TOMM70: variants seen among roughly 807,000 people sequenced by gnomAD.
TOMM70 encodes the protein mitochondrial import receptor subunit TOM70.
TOMM70 carries 13 observed loss-of-function variants against 73.6 expected under a neutral mutation model. That is an observed-to-expected ratio of 0.18 (90% CI 0.11 to 0.28). The LOEUF (loss-of-function observed/expected upper bound fraction) is 0.28, where lower values mean the gene tolerates loss of function less well. Ranked by LOEUF, TOMM70 falls within the 10% of genes least tolerant of loss-of-function variation. TOMM70 has a pLI of 1.00. For missense variants in TOMM70, 609 were observed against 747.5 expected, an observed-to-expected ratio of 0.81 and a Z score of 2.16; for synonymous variants, 257 against 271.2, an observed-to-expected ratio of 0.95 and a Z score of 0.51.
At chr3:100,392,800 T>C (rs749012848) in intron 1 of TOMM70, among the ~76,000 whole-genome samples, 2 of 152,172 alleles carry the variant, frequency 1.3e-5, no homozygotes, top group Non-Finnish European at 2.9e-5. Context: ...TACTACTGGG[T>C]ATCTACCCAA....
chr3:100,399,777 C>G (rs9839236), intron 1 of TOMM70, among the ~76,000 whole-genome samples: 1 of 146,710 alleles, frequency 6.8e-6, no homozygotes, highest in Non-Finnish European at 1.5e-5. Context: ...AGGCCTGGAC[C>G]TGGGGCAGGG....
At chr3:100,383,456 G>C (rs1706658211) in intron 4 of TOMM70, among the ~76,000 whole-genome samples, 1 of 151,646 alleles carries the variant, frequency 6.6e-6, no homozygotes, top group Non-Finnish European at 1.5e-5. Context: ...CTGGGAGGCA[G>C]AGGTTGCAGT....
chr3:100,365,842 A>G, intron 11 of TOMM70, 125 bp from the exon 12 acceptor site: 1 of 1,067,196 alleles, frequency 9.4e-7, no homozygotes, highest in Non-Finnish European at 1.3e-6. Flanking sequence ...TGAAGGTTGT[A>G]AGTGATGCTA....
chr3:100,386,317 A>T lies in TOMM70; in HGVS notation c.526T>A (p.Cys176Ser), dbSNP rs1365056961. The change falls in exon 3 of 12, where the codon TGT becomes AGT. Residue 176 changes from cysteine (C) to serine (S), a missense_variant. Around this residue, in one of 2 missense-constraint regions of TOMM70, gnomAD observed 432 missense variants for 584.1 expected, o/e 0.74. Coordinates refer to ENST00000284320, the MANE Select transcript of TOMM70 (RefSeq NM_014820.5). ...GGATTAAGTTCAACAGCTTTTGTACAGTCTTGTGCCACTTCTTTCCATTTT... is the reference window on the plus strand; with the variant it reads ...GGATTAAGTTCAACAGCTTTTGTACTGTCTTGTGCCACTTCTTTCCATTTT... ...LQKWKEVAQD[C>S]TKAVELNPKY... The T allele has an allele frequency of 2.5e-6, 4 of 1,606,336 alleles. No individual in the cohort carries two copies. The highest frequency in any genetic ancestry group is 2.2e-5 in the East Asian group (1 of 44,738).
rs766516311 is a variant in TOMM70, at chr3:100,375,086, T to C, written c.1159A>G (p.Thr387Ala). 9.3e-6 allele frequency: 15 copies of C among 1,610,280 alleles called. No homozygotes were observed. The highest frequency in any genetic ancestry group is 2.2e-5 in the East Asian group (1 of 44,598). ...TCAGCAGCCATGTTAAAATCTTGAG[T>C]GGACAGCAAAGGCTGCTGCTGTTGC... ...YMQQQQPLLS[T>A]QDFNMAADID... Residue 387 changes from threonine (T) to alanine (A), a missense_variant, in exon 7 of 12, where the codon ACT becomes GCT. Physicochemically the swap from Thr to Ala is moderately conservative, Grantham distance 58. Around this residue, in one of 2 missense-constraint regions of TOMM70, gnomAD observed 432 missense variants for 584.1 expected, o/e 0.74. Coordinates refer to ENST00000284320, the MANE Select transcript of TOMM70 (RefSeq NM_014820.5).
At chr3:100,377,010 G>A (rs1196458663) in intron 6 of TOMM70, among the ~76,000 whole-genome samples, 2 of 149,532 alleles carry the variant, frequency 1.3e-5, no homozygotes, top group East Asian at 2.1e-4. Context: ...ACAATATTTA[G>A]GTCTTAAAAC....
intron 11 of TOMM70, among the ~76,000 whole-genome samples, chr3:100,367,026 C>G (rs1706453791): frequency 6.6e-6 from 1 of 152,180 alleles, no homozygotes; most frequent in Non-Finnish European, 1.5e-5. Flanking sequence ...TTGAGACCAT[C>G]CTGGCCAACA....
Position 100,387,808 on chromosome 3 carries a change from T to A in TOMM70, c.325-830A>T, listed in dbSNP as rs1184649533. On this transcript the variant is annotated intron_variant, in intron 1 of 11. Coordinates refer to ENST00000284320, the MANE Select transcript of TOMM70 (RefSeq NM_014820.5). The stretch of plus-strand genomic sequence containing the variant: ...GCACTACCACATCTGGCTAATTTTT[T>A]AATTTTTAGTAGAGATGGGGTTTTG... Among the ~76,000 whole-genome samples, 7 of 151,924 alleles carry A rather than the reference T, an allele frequency of 4.6e-5. No individual in the cohort carries two copies. The East Asian group carries it at 5.8e-4, about 13-fold the overall frequency.
At chr3:100,369,498 A>ATTT (rs11327711) in intron 9 of TOMM70, among the ~76,000 whole-genome samples, 1 of 137,718 alleles carries the variant, frequency 7.3e-6, no homozygotes. Context: ...GCCCAAGGGA[A>ATTT]TTTTTTTTTT....
intron 4 of TOMM70, 114 bp from the exon 5 acceptor site, chr3:100,381,877 T>C: frequency 4.7e-6 from 5 of 1,073,382 alleles, no homozygotes; most frequent in Non-Finnish European, 6.4e-6. Flanking sequence ...CATTTTCAAA[T>C]AACTAAAATT....
At chr3:100,376,229 T>G (rs1200762007) in intron 6 of TOMM70, among the ~76,000 whole-genome samples, 1 of 152,178 alleles carries the variant, frequency 6.6e-6, no homozygotes, top group African/African-American at 2.4e-5. Flanking sequence ...CATTTTTAAC[T>G]TAGGTTGTCT....
rs1706690979 is a variant in TOMM70, at chr3:100,386,265, C to T, written c.578G>A (p.Arg193His). The change falls in exon 3 of 12, where the codon CGT becomes CAT. Residue 193 changes from arginine to histidine, a missense_variant. This residue lies in a region of TOMM70 where 432 missense variants were observed against 584.1 expected (regional missense o/e 0.74). Coordinates refer to ENST00000284320, the MANE Select transcript of TOMM70 (RefSeq NM_014820.5). ...GTCTAGCTTCTCATGGGCTTTTGCA[C>T]GTCTAAAGAGAGCTTTCACATATTT... ...NPKYVKALFR[R>H]AKAHEKLDNK... is the part of the protein sequence containing the mutation. 3.1e-6 allele frequency: 5 copies of T among 1,613,208 alleles called. No individual in the cohort carries two copies. Among genetic ancestry groups the T allele is most frequent in the South Asian group, 1.1e-5 (1 of 90,980 alleles).
At chr3:100,387,879 CACTCAG>C (rs776991844) in intron 1 of TOMM70, among the ~76,000 whole-genome samples, 40 of 152,092 alleles carry the variant, frequency 2.6e-4, no homozygotes, top group Non-Finnish European at 5.1e-4. Flanking sequence ...ATTTCAAAAA[CACTCAG>C]ACTTTTTCAA....
intron 1 of TOMM70, among the ~76,000 whole-genome samples, chr3:100,393,122 G>T (rs1263181263): frequency 2.0e-5 from 3 of 151,048 alleles, no homozygotes; most frequent in Non-Finnish European, 4.4e-5. Flanking sequence ...GCTGCAGTAA[G>T]CCGAGATTGT....
At position 100,377,744 on chromosome 3, in the gene TOMM70, A is replaced by C. The variant is rs1375961887; in HGVS notation, c.1053T>G (p.Asp351Glu). The change falls in exon 6 of 12, where the codon GAT (aspartate) becomes GAG (glutamate). Residue 351 changes from aspartate (D) to glutamate (E), a missense_variant. By Grantham distance (45) the Asp-to-Glu change is conservative. Coordinates refer to ENST00000284320, the MANE Select transcript of TOMM70 (RefSeq NM_014820.5). ...LIGNANAAKP[D>E]LDKVISLKEA... ...CTTTCAAACTGATGACTTTATCTAA[A>C]TCTGGTTTGGCTGCATTGGCATTGC... 4.3e-6 allele frequency: 7 copies of C among 1,614,078 alleles called. No individual in the cohort carries two copies. Among genetic ancestry groups the C allele is most frequent in the Non-Finnish European group, 5.1e-6 (6 of 1,179,976 alleles).
intron 11 of TOMM70, among the ~76,000 whole-genome samples, chr3:100,366,585 CTT>C (rs1256260565): frequency 6.6e-6 from 1 of 151,952 alleles, no homozygotes; most frequent in Non-Finnish European, 1.5e-5. Flanking sequence ...TTAAAAAAAA[CTT>C]TTTTCAAGAG....
intron 8 of TOMM70, among the ~76,000 whole-genome samples, chr3:100,373,331 T>G (rs1706531157): frequency 6.6e-6 from 1 of 152,070 alleles, no homozygotes; most frequent in Non-Finnish European, 1.5e-5. Flanking sequence ...AAGTATAAAA[T>G]CAGGGACAAA....
At chr3:100,374,073 C>T (rs1178313807) in intron 7 of TOMM70, among the ~76,000 whole-genome samples, 3 of 152,186 alleles carry the variant, frequency 2.0e-5, no homozygotes, top group Non-Finnish European at 2.9e-5. Context: ...GAAAGAAATA[C>T]AGTCATGCAT....
rs759432983 is a variant in TOMM70, at chr3:100,369,145, G to A, written c.1453-10C>T. 49 of 1,586,146 alleles carry A rather than the reference G, an allele frequency of 3.1e-5. No individual in the cohort carries two copies. The highest frequency in any genetic ancestry group is 4.1e-5 in the Non-Finnish European group (47 of 1,156,012). On this transcript the variant is annotated splice_polypyrimidine_tract_variant and intron_variant, in intron 9 of 11. Coordinates refer to ENST00000284320, the MANE Select transcript of TOMM70 (RefSeq NM_014820.5). ...GTTGATCTGTTAATGCCTATGTGAG[G>A]AGATACTTCAGTTATATTAAGGTAA...
Sources: allele counts gnomAD v4.1 joint callset (sites outside exome capture counted in the v4.1 genomes callset), GRCh38; gene constraint gnomAD v4.1.1; regional missense constraint gnomAD v4.1.1; transcripts MANE v1.5; gene names NCBI Gene and HGNC (gene_info 2026-07-23, HGNC 2026-07-21).